ARL3: variants seen among roughly 807,000 people sequenced by gnomAD.
The protein encoded by ARL3 is ADP-ribosylation factor-like protein 3.
ARL3 carries 9 observed loss-of-function variants against 26.0 expected under a neutral mutation model. The observed-to-expected ratio is 0.35, with a 90% CI of 0.21 to 0.60. ARL3 has a LOEUF of 0.60. Ranked by LOEUF, ARL3 falls within the 20% of genes least tolerant of loss-of-function variation. The pLI, the probability that ARL3 is intolerant of heterozygous loss-of-function variation, is 0.78. For missense variants in ARL3, 158 were observed against 215.7 expected (o/e 0.73, Z 1.67); for synonymous variants, 71 against 78.4 (o/e 0.91, Z 0.50).
chr10:102,713,973 CT>C (rs1364153975), intron 1 of ARL3, among the ~76,000 whole-genome samples: 1 of 152,220 alleles, frequency 6.6e-6, no homozygotes, highest in Admixed American at 6.5e-5. Context: ...GCCCTCACCC[CT>C]GTCCCCAGAG....
chr10:102,704,101 A>C (rs576009514), intron 2 of ARL3, among the ~76,000 whole-genome samples: 9 of 133,812 alleles, frequency 6.7e-5, no homozygotes, highest in Non-Finnish European at 1.2e-4. Context: ...CAGTGAGCTG[A>C]GATTGCACTG....
At chr10:102,692,373 T>C (rs922222571) in intron 3 of ARL3, among the ~76,000 whole-genome samples, 4 of 152,240 alleles carry the variant, frequency 2.6e-5, no homozygotes, top group Admixed American at 6.5e-5. Flanking sequence ...TAACTCATGA[T>C]TGAAAGAGGA....
rs183257597 is a variant in ARL3, at chr10:102,695,259, A to C, written c.264+4114T>G. ...TTAATAATACTGAGTTTTCCTATCC[A>C]TGAGCACGGACTGTCTCTTTATTTA... is the stretch of plus-strand genomic sequence containing the variant. On this transcript the variant is annotated intron_variant, in intron 3 of 5. Transcript: ENST00000260746. 3.4e-3 allele frequency among the ~76,000 whole-genome samples: 523 copies of C among 152,286 alleles called. 1 individual carries two copies. Among genetic ancestry groups the C allele is most frequent in the Non-Finnish European group, 5.5e-3 (376 of 68,024 alleles).
chr10:102,699,606 C>G (rs975502168), intron 2 of ARL3, 117 bp from the exon 3 acceptor site: 12 of 605,094 alleles, frequency 2.0e-5, no homozygotes, highest in Non-Finnish European at 2.6e-5. Flanking sequence ...ATATGTGATA[C>G]TGGTAATGCT....
chr10:102,699,955 G>A (rs1204207856), intron 2 of ARL3, among the ~76,000 whole-genome samples: 1 of 152,168 alleles, frequency 6.6e-6, no homozygotes, highest in Non-Finnish European at 1.5e-5. Context: ...GATTCTTCAA[G>A]AGCAGCTCAA....
intron 5 of ARL3, among the ~76,000 whole-genome samples, chr10:102,679,068 G>A (rs146952142): frequency 0.013 from 1,964 of 152,366 alleles, 9 homozygotes; most frequent in East Asian, 0.027. Flanking sequence ...CCCTGGGCCC[G>A]GGAGGCCCCT....
At chr10:102,710,016 A>C (rs2064329946) in intron 1 of ARL3, among the ~76,000 whole-genome samples, 1 of 152,120 alleles carries the variant, frequency 6.6e-6, no homozygotes, top group Admixed American at 6.6e-5. Context: ...CCTGGGCCAC[A>C]GAGCTAGACT....
At chr10:102,678,169 C>T (rs2064139328) in intron 5 of ARL3, among the ~76,000 whole-genome samples, 1 of 152,176 alleles carries the variant, frequency 6.6e-6, no homozygotes, top group African/African-American at 2.4e-5. Context: ...CCAGAGCCGA[C>T]ATCTGACCTT....
intron 4 of ARL3, among the ~76,000 whole-genome samples, chr10:102,689,347 T>G (rs976607643): frequency 1.3e-5 from 2 of 151,830 alleles, no homozygotes; most frequent in African/African-American, 4.8e-5. Flanking sequence ...AAAAAAACTG[T>G]TTAAAGAACT....
intron 5 of ARL3, among the ~76,000 whole-genome samples, chr10:102,684,699 T>C (rs938063119): frequency 6.6e-6 from 1 of 151,868 alleles, no homozygotes; most frequent in Admixed American, 6.6e-5. Flanking sequence ...AGTGCAGTGA[T>C]GCGATCTTGG....
intron 4 of ARL3, among the ~76,000 whole-genome samples, chr10:102,687,839 T>C (rs2064195732): frequency 6.6e-6 from 1 of 152,224 alleles, no homozygotes; most frequent in African/African-American, 2.4e-5. Flanking sequence ...TAGAACACTT[T>C]TGAGAAAATC....
intron 1 of ARL3, among the ~76,000 whole-genome samples, chr10:102,708,868 A>C (rs2064322761): frequency 7.2e-6 from 1 of 139,554 alleles, no homozygotes; most frequent in African/African-American, 2.7e-5. Flanking sequence ...AAACAAAAAC[A>C]AAAAATAAAA....
chr10:102,688,006 C>T (rs1358816223), intron 4 of ARL3, among the ~76,000 whole-genome samples: 1 of 152,112 alleles, frequency 6.6e-6, no homozygotes, highest in Admixed American at 6.6e-5. Flanking sequence ...TCTGTTTCAT[C>T]AATCTCTATC....
At chr10:102,683,199 G>A (rs1275374432) in intron 5 of ARL3, among the ~76,000 whole-genome samples, 1 of 152,170 alleles carries the variant, frequency 6.6e-6, no homozygotes, top group African/African-American at 2.4e-5. Context: ...GAGGTACACG[G>A]TCAACCAGTG....
In ARL3 at chr10:102,708,908, A is replaced by ATATTTTTTT; in HGVS notation, c.4-3420_4-3419insAAAAAAATA. On this transcript the variant is annotated intron_variant, in intron 1 of 5. Transcript: ENST00000260746. ...ATATTATATATATATATATATATAT[A>ATATTTTTTT]TTTTTTTTTTTTTTGAGACAAGGTC... 3.0e-4 allele frequency among the ~76,000 whole-genome samples: 29 copies of ATATTTTTTT among 95,318 alleles called. No individual in the cohort carries two copies. In the East Asian group the frequency reaches 6.5e-3, roughly 21 times the overall value. The allele number at this position is 95,318 out of a possible 152,430, so 62.5% of individuals were successfully genotyped here.
intron 2 of ARL3, among the ~76,000 whole-genome samples, chr10:102,700,042 C>T (rs1384376045): frequency 6.6e-6 from 1 of 152,102 alleles, no homozygotes; most frequent in Non-Finnish European, 1.5e-5. Context: ...GTTTGTAACT[C>T]GAATATATCA....
rs57721161 is a variant in ARL3 at position 102,703,425 on chromosome 10, CTTTTTTTTTTTTTTTTTTTT to C, written c.147+1901_147+1920del. ...ATGAGCCATGGTGCCCAGGACTTGTCTTTTTTTTTTTTTTTTTTTTTTTTTTTTTTTTTTTTGTGATGGAG... is the reference window on the plus strand; with the variant it reads ...ATGAGCCATGGTGCCCAGGACTTGTCTTTTTTTTTTTTTTTTGTGATGGAG... On this transcript the variant is annotated intron_variant, in intron 2 of 5. Transcript: ENST00000260746. Among the ~76,000 whole-genome samples the C allele has an allele frequency of 2.2e-3, 105 of 48,480 alleles. 1 individual carries two copies. Among genetic ancestry groups the C allele is most frequent in the Non-Finnish European group, 3.4e-3 (90 of 26,538 alleles). 31.8% of individuals were successfully genotyped at this position (48,480 alleles called of 152,430 possible).
At chr10:102,708,908 A>ATATATATATATAT in intron 1 of ARL3, among the ~76,000 whole-genome samples, 55 of 95,322 alleles carry the variant, frequency 5.8e-4, no homozygotes, top group South Asian at 1.1e-3. Flanking sequence ...ATATATATAT[A>ATATATATATATAT]TTTTTTTTTT....
rs189430462 is a variant in ARL3 at position 102,707,032 on chromosome 10, C to T, written c.4-1543G>A. Reference sequence around the variant, plus strand: ...GCATGTTGCTGGGCATGGTGGCTCACGCCTATAATCCCAGCACTTTGGGAG... The same window carrying T: ...GCATGTTGCTGGGCATGGTGGCTCATGCCTATAATCCCAGCACTTTGGGAG... On this transcript the variant is annotated intron_variant, in intron 1 of 5. Coordinates refer to ENST00000260746, the MANE Select transcript of ARL3 (RefSeq NM_004311.4). Among the ~76,000 whole-genome samples, 390 of 151,980 alleles carry T rather than the reference C, an allele frequency of 2.6e-3. 3 individuals carry two copies. The highest frequency in any genetic ancestry group is 8.9e-3 in the African/African-American group (369 of 41,502).
Sources: gnomAD v4.1 joint callset for allele counts (sites outside exome capture counted in the v4.1 genomes callset) on GRCh38, gnomAD v4.1.1 for gene constraint, MANE v1.5 for transcripts, NCBI Gene and HGNC (gene_info 2026-07-23, HGNC 2026-07-21) for gene names.